GTF3C1: variants seen among roughly 807,000 people sequenced by gnomAD.
The protein encoded by GTF3C1 is general transcription factor 3C polypeptide 1.
A neutral mutation model predicts 226.7 loss-of-function variants in GTF3C1; 57 were observed. That is an observed-to-expected ratio of 0.25 (90% confidence interval 0.20 to 0.31). GTF3C1 has a LOEUF of 0.31. Among genes scored for constraint, GTF3C1 ranks in the 10% least tolerant of loss-of-function variants. The pLI is 1.00. For missense variants in GTF3C1, 2,217 were observed against 2,776.1 expected, an observed-to-expected ratio of 0.80 and a Z score of 4.53; for synonymous variants, 1,090 against 1,084.8, an observed-to-expected ratio of 1.00 and a Z score of -0.09.
chr16:27,518,344 G>A (rs2088693939), intron 6 of GTF3C1, among the ~76,000 whole-genome samples: 1 of 152,220 alleles, frequency 6.6e-6, no homozygotes, highest in Non-Finnish European at 1.5e-5. Context: ...TCTGGTGTTA[G>A]CTTGCCTCCA....
At chr16:27,526,192 T>TA (rs2088831724) in intron 6 of GTF3C1, among the ~76,000 whole-genome samples, 1 of 151,906 alleles carries the variant, frequency 6.6e-6, no homozygotes, top group Non-Finnish European at 1.5e-5. Context: ...TAGGAAACCG[T>TA]AAGTCTGGCT....
In GTF3C1 at chr16:27,488,421, C is replaced by T; in HGVS notation, c.3512-6G>A. ...AATATTCAACCTGCTGTTGCCTAGACATAATCACAGGAGACAACAGTTTCA... is the reference window on the plus strand; with the variant it reads ...AATATTCAACCTGCTGTTGCCTAGATATAATCACAGGAGACAACAGTTTCA... On this transcript the variant is annotated splice_polypyrimidine_tract_variant and splice_region_variant and intron_variant, in intron 22 of 36. Transcript: ENST00000356183. 4.4e-6 allele frequency: 7 copies of T among 1,605,522 alleles called. No homozygotes were observed. The highest frequency in any genetic ancestry group is 6.0e-6 in the Non-Finnish European group (7 of 1,172,338).
At chr16:27,468,712 C>A (rs1324926112) in intron 32 of GTF3C1, among the ~76,000 whole-genome samples, 1 of 152,160 alleles carries the variant, frequency 6.6e-6, no homozygotes, top group Non-Finnish European at 1.5e-5. Context: ...GCCTGGGCAA[C>A]ATAGCGAGTC....
In GTF3C1 at chr16:27,463,649, C is replaced by T; in HGVS notation, c.5873-57G>A. 1.0e-6 allele frequency: 1 copy of T among 956,568 alleles called. No homozygotes were observed. Among genetic ancestry groups the T allele is most frequent in the African/African-American group, 1.6e-5 (1 of 62,684 alleles). The allele number at this position is 956,568 out of a possible 1,614,324, so 59.3% of individuals were successfully genotyped here. On this transcript the variant is annotated intron_variant, in intron 34 of 36. Transcript: ENST00000356183. The surrounding 1 kb of genome is among the most constrained non-coding windows in gnomAD (Gnocchi z 4.9). Reference sequence around the variant, plus strand: ...CGGAAAGTCAGGGAAGCCATCTCTGCCCTCCAACCTTCAGCATGGTACCTA... The same window carrying T: ...CGGAAAGTCAGGGAAGCCATCTCTGTCCTCCAACCTTCAGCATGGTACCTA...
intron 10 of GTF3C1, among the ~76,000 whole-genome samples, chr16:27,504,812 T>C (rs2088459038): frequency 6.6e-6 from 1 of 152,208 alleles, no homozygotes; most frequent in East Asian, 1.9e-4. Flanking sequence ...AAACCTGCAG[T>C]CCCAGCTACT....
rs2088871252 is a variant in GTF3C1 at position 27,528,804 on chromosome 16, T to C, written c.850-83A>G. 40 of 1,291,028 alleles carry C rather than the reference T, an allele frequency of 3.1e-5. No homozygotes were observed. In the South Asian group the frequency reaches 3.6e-4, roughly 12 times the overall value. 80.0% of individuals were successfully genotyped at this position (1,291,028 alleles called of 1,614,324 possible). ...AGAAAGTCATATAAATGAACACAAGTTCAGGACCTGAATTAATTGATTATC... is the reference window on the plus strand; with the variant it reads ...AGAAAGTCATATAAATGAACACAAGCTCAGGACCTGAATTAATTGATTATC... On this transcript the variant is annotated intron_variant, in intron 5 of 36. Coordinates refer to ENST00000356183, the MANE Select transcript of GTF3C1 (RefSeq NM_001520.4).
intron 14 of GTF3C1, among the ~76,000 whole-genome samples, 160 bp downstream of exon 14, chr16:27,497,477 G>T (rs1053413007): frequency 1.3e-5 from 2 of 152,212 alleles, no homozygotes; most frequent in African/African-American, 4.8e-5. Flanking sequence ...GATGCTGGAA[G>T]AAGTTATGCG....
At chr16:27,520,057 G>A (rs1377401872) in intron 6 of GTF3C1, among the ~76,000 whole-genome samples, 6 of 152,200 alleles carry the variant, frequency 3.9e-5, no homozygotes, top group East Asian at 1.9e-4. Flanking sequence ...AGGCTGCAGT[G>A]AGCCATGATC....
At chr16:27,506,350 G>A (rs73533024) in intron 9 of GTF3C1, among the ~76,000 whole-genome samples, 4,574 of 152,130 alleles carry the variant, frequency 0.03, 218 homozygotes, top group African/African-American at 0.1. Context: ...GCTGTCAGGG[G>A]CTGTCCTGTG....
chr16:27,502,557 A>T (rs2088422253), intron 11 of GTF3C1, among the ~76,000 whole-genome samples: 3 of 152,124 alleles, frequency 2.0e-5, no homozygotes, highest in Admixed American at 2.0e-4. Flanking sequence ...TCTTCCAGGT[A>T]AGGAAAAGCT....
Position 27,511,837 on chromosome 16 carries a change from A to T in GTF3C1, c.1038T>A (p.Asp346Glu), listed in dbSNP as rs749982945. 7 of 1,614,074 alleles carry T rather than the reference A, an allele frequency of 4.3e-6. No individual in the cohort carries two copies. Among genetic ancestry groups the T allele is most frequent in the Non-Finnish European group, 5.9e-6 (7 of 1,180,046 alleles). ...TGGAGATGACCTCCTCGTCCTCGTC[A>T]TCATCATGGTCATTCCGTTTAAATT... The part of the protein sequence containing the change: ...LKEFKRNDHD[D>E]DEDEEVISKT... Residue 346 changes from aspartate (D) to glutamate (E), a missense_variant, in exon 7 of 37, where the codon GAT (aspartate) becomes GAA (glutamate). Physicochemically the swap from Asp to Glu is conservative, Grantham distance 45. This residue lies in a region of GTF3C1 where 163 missense variants were observed against 234.3 expected (regional missense o/e 0.70). Coordinates refer to ENST00000356183, the MANE Select transcript of GTF3C1 (RefSeq NM_001520.4).
intron 24 of GTF3C1, 73 bp from the exon 25 acceptor site, chr16:27,484,426 A>C: frequency 9.2e-7 from 1 of 1,081,508 alleles, no homozygotes; most frequent in Non-Finnish European, 1.4e-6. Context: ...TACCATAAAA[A>C]AGTGGACAAA....
chr16:27,470,801 G>C lies in GTF3C1; in HGVS notation c.4527-406C>G, dbSNP rs527708697. Reference sequence around the variant, plus strand: ...ACACATGTGCCCAAGCTGTCTCCACGCAGTGCCTGGTGAGTCACTTCCCCG... The same window carrying C: ...ACACATGTGCCCAAGCTGTCTCCACCCAGTGCCTGGTGAGTCACTTCCCCG... On this transcript the variant is annotated intron_variant, in intron 30 of 36. Coordinates refer to ENST00000356183, the MANE Select transcript of GTF3C1 (RefSeq NM_001520.4). The surrounding 1 kb of genome is among the most constrained non-coding windows in gnomAD (Gnocchi z 4.9). 1 of 206,606 alleles carries C rather than the reference G, an allele frequency of 4.8e-6. No homozygotes were observed. The highest frequency in any genetic ancestry group is 8.7e-5 in the South Asian group (1 of 11,456). The allele number at this position is 206,606 out of a possible 1,614,324, so 12.8% of individuals were successfully genotyped here. A position where few individuals can be genotyped will look rare whatever the true frequency, so the allele number is the denominator to read the frequency against.
At position 27,492,064 on chromosome 16, in the gene GTF3C1, C is replaced by A. The variant is rs545759872; in HGVS notation, c.3151+274G>T. 1.5e-4 allele frequency among the ~76,000 whole-genome samples: 23 copies of A among 152,300 alleles called. No individual in the cohort carries two copies. The South Asian group carries it at 3.9e-3, about 26-fold the overall frequency. The stretch of plus-strand genomic sequence containing the variant: ...GTCAGGCACAGGAAGTGACACACAG[C>A]CGGTGTGTTTAATAAATACCTACTC... On this transcript the variant is annotated intron_variant, in intron 19 of 36. Coordinates refer to ENST00000356183, the MANE Select transcript of GTF3C1 (RefSeq NM_001520.4). This position sits in a 1 kb window ranked among gnomAD's most constrained non-coding sequence, Gnocchi z 5.0.
chr16:27,526,385 A>G (rs908782787), intron 6 of GTF3C1, among the ~76,000 whole-genome samples: 1 of 152,186 alleles, frequency 6.6e-6, no homozygotes, highest in African/African-American at 2.4e-5. Flanking sequence ...CCCAGTCTCC[A>G]GCTTGGTCTC....
chr16:27,503,482 G>A (rs1044565638), intron 10 of GTF3C1, among the ~76,000 whole-genome samples: 3 of 152,184 alleles, frequency 2.0e-5, no homozygotes, highest in Admixed American at 6.5e-5. Context: ...GGGAGTGAAC[G>A]TGCCAGGATG....
chr16:27,464,490 G>C lies in GTF3C1; in HGVS notation c.5702C>G (p.Ala1901Gly). Residue 1901 changes from alanine to glycine, a missense_variant, in exon 34 of 37, where the codon GCT becomes GGT. This residue lies in a region of GTF3C1 where 455 missense variants were observed against 441.9 expected (regional missense o/e 1.03). Transcript: ENST00000356183. ...GGCCTGGGCTTCTGCCCCATCTTCA[G>C]CTCCGGGCCCAAGGCTGGGGGCCAA... The part of the protein sequence containing the change: ...SNLAPSLGPG[A>G]EDGAEAQAPS... 2 of 1,542,812 alleles carry C rather than the reference G, an allele frequency of 1.3e-6. No individual in the cohort carries two copies. Among genetic ancestry groups the C allele is most frequent in the Non-Finnish European group, 1.7e-6 (2 of 1,148,780 alleles).
chr16:27,470,546 A>G lies in GTF3C1; in HGVS notation c.4527-151T>C. On this transcript the variant is annotated intron_variant, in intron 30 of 36. Coordinates refer to ENST00000356183, the MANE Select transcript of GTF3C1 (RefSeq NM_001520.4). The surrounding 1 kb of genome is among the most constrained non-coding windows in gnomAD (Gnocchi z 4.9). ...AAGCTCTCTGTCCCATCCCAGATGAAGGTGCTGCATTCCCACCTAGCGGTG... is the reference window on the plus strand; with the variant it reads ...AAGCTCTCTGTCCCATCCCAGATGAGGGTGCTGCATTCCCACCTAGCGGTG... 1 of 654,126 alleles carries G rather than the reference A, an allele frequency of 1.5e-6. No homozygotes were observed. The highest frequency in any genetic ancestry group is 2.7e-6 in the Non-Finnish European group (1 of 376,052). 40.5% of individuals were successfully genotyped at this position (654,126 alleles called of 1,614,324 possible). A position where few individuals can be genotyped will look rare whatever the true frequency, so the allele number is the denominator to read the frequency against.
chr16:27,484,151 C>G (rs2048041742), intron 25 of GTF3C1, 60 bp downstream of exon 25: 2 of 1,319,002 alleles, frequency 1.5e-6, no homozygotes, highest in African/African-American at 1.4e-5. Context: ...CCACCAGACT[C>G]TTAAGCAAAC....
Sources: allele counts gnomAD v4.1 joint callset (sites outside exome capture counted in the v4.1 genomes callset), GRCh38; gene constraint gnomAD v4.1.1; regional missense constraint gnomAD v4.1.1; non-coding constraint Gnocchi (gnomAD v3.1); transcripts MANE v1.5; gene names NCBI Gene and HGNC (gene_info 2026-07-23, HGNC 2026-07-21).